Variants in ADAM2 observed in about 807,000 individuals in gnomAD.
The protein encoded by ADAM2 is disintegrin and metalloproteinase domain-containing protein 2.
ADAM2 carries 101 observed loss-of-function variants against 99.3 expected under a neutral mutation model. That is an observed-to-expected ratio of 1.02 (90% CI 0.87 to 1.20). The LOEUF (loss-of-function observed/expected upper bound fraction) is 1.20, where lower values mean the gene tolerates loss of function less well. ADAM2 is among the 50% of genes most tolerant of loss of function. The pLI, the probability that ADAM2 is intolerant of heterozygous loss-of-function variation, is 0.00. For missense variants in ADAM2, 948 were observed against 878.7 expected (o/e 1.08, Z -1.00); for synonymous variants, 323 against 287.6 (o/e 1.12, Z -1.25).
chr8:39,837,981 G>GA (rs2129589730), intron 1 of ADAM2, 150 bp downstream of exon 1: 1 of 800,914 alleles, frequency 1.2e-6, no homozygotes. Flanking sequence ...TTTGGGTGGG[G>GA]AAGGCGGCAA....
At chr8:39,755,677 G>T in intron 16 of ADAM2, 51 bp downstream of exon 16, 1 of 1,437,876 alleles carries the variant, frequency 7.0e-7, no homozygotes, top group Non-Finnish European at 9.6e-7. Flanking sequence ...TCTCAAAAAA[G>T]GGCAAAGTCT....
At chr8:39,744,364 A>T (rs1350803829) in intron 20 of ADAM2, among the ~76,000 whole-genome samples, 1 of 152,090 alleles carries the variant, frequency 6.6e-6, no homozygotes, top group Non-Finnish European at 1.5e-5. Flanking sequence ...TTTTTATTAT[A>T]TATAGCTATA....
intron 10 of ADAM2, 113 bp from the exon 11 acceptor site, chr8:39,777,274 A>C (rs1803031000): frequency 1.3e-6 from 1 of 743,640 alleles, no homozygotes; most frequent in Non-Finnish European, 2.2e-6. Context: ...CTGTTATCCC[A>C]AAAGTGCCAT....
Position 39,760,028 on chromosome 8 carries a change from G to A in ADAM2, c.1613+1148C>T, listed in dbSNP as rs1261287598. Among the ~76,000 whole-genome samples, 11 of 152,114 alleles carry A rather than the reference G, an allele frequency of 7.2e-5. 1 individual carries two copies. In the South Asian group the frequency reaches 2.1e-3, roughly 29 times the overall value. ...ATTACAGGCAACCGCCATCATGCCT[G>A]GCTAATTTTTGAATTTTTAGTAGAG... is the stretch of plus-strand genomic sequence containing the variant. On this transcript the variant is annotated intron_variant, in intron 15 of 20. Transcript: ENST00000265708.
At chr8:39,832,606 T>A (rs924989907) in intron 3 of ADAM2, among the ~76,000 whole-genome samples, 3 of 152,220 alleles carry the variant, frequency 2.0e-5, no homozygotes, top group Admixed American at 6.5e-5. Context: ...TTTATTGATA[T>A]TTTACAATAA....
At chr8:39,835,823 T>C (rs1231929764) in intron 2 of ADAM2, among the ~76,000 whole-genome samples, 1 of 152,092 alleles carries the variant, frequency 6.6e-6, no homozygotes, top group African/African-American at 2.4e-5. Flanking sequence ...GCCTAGTTTG[T>C]TTTAAAAATA....
intron 7 of ADAM2, among the ~76,000 whole-genome samples, chr8:39,805,622 G>A (rs959873655): frequency 6.6e-6 from 1 of 152,164 alleles, no homozygotes; most frequent in African/African-American, 2.4e-5. Context: ...TGGCATTTTA[G>A]CTGAGCTGTT....
intron 10 of ADAM2, among the ~76,000 whole-genome samples, chr8:39,779,595 A>G (rs1228633913): frequency 2.0e-5 from 3 of 152,180 alleles, no homozygotes; most frequent in East Asian, 1.9e-4. Context: ...AAGCACAACT[A>G]TATTTAACAC....
At chr8:39,785,566 C>T (rs1037168228) in intron 10 of ADAM2, among the ~76,000 whole-genome samples, 9 of 152,058 alleles carry the variant, frequency 5.9e-5, no homozygotes, top group South Asian at 2.1e-4. Context: ...GAGACCAAGG[C>T]GGGGGGATCA....
At chr8:39,811,034 C>T (rs1804671330) in intron 6 of ADAM2, among the ~76,000 whole-genome samples, 1 of 151,516 alleles carries the variant, frequency 6.6e-6, no homozygotes, top group African/African-American at 2.4e-5. Flanking sequence ...AATTGATAGA[C>T]CACTAGCAAG....
chr8:39,786,050 T>C (rs1422341776), intron 10 of ADAM2, among the ~76,000 whole-genome samples: 1 of 152,124 alleles, frequency 6.6e-6, no homozygotes, highest in East Asian at 1.9e-4. Flanking sequence ...GTGAATTAAC[T>C]CAGGAACAGA....
intron 16 of ADAM2, among the ~76,000 whole-genome samples, chr8:39,751,149 T>A (rs1378165531): frequency 2.0e-5 from 3 of 152,156 alleles, no homozygotes; most frequent in African/African-American, 7.2e-5. Context: ...TATGGGGAAA[T>A]GGACTAATGA....
intron 6 of ADAM2, among the ~76,000 whole-genome samples, chr8:39,818,336 A>T (rs1009001118): frequency 6.6e-6 from 1 of 152,088 alleles, no homozygotes; most frequent in Admixed American, 6.5e-5. Flanking sequence ...TTATCTCAAC[A>T]TACGTTGCAG....
chr8:39,745,991 GTGTGTGTGTGTGCA>G (rs1435082167), intron 19 of ADAM2, among the ~76,000 whole-genome samples: 3 of 143,814 alleles, frequency 2.1e-5, no homozygotes, highest in African/African-American at 5.2e-5. Flanking sequence ...ATGTGTATGT[GTGTGTGTGTGTGCA>G]TGTGTGTGTG....
intron 7 of ADAM2, among the ~76,000 whole-genome samples, chr8:39,808,087 C>T (rs1327233984): frequency 6.6e-6 from 1 of 151,448 alleles, no homozygotes. Flanking sequence ...CTAGCAAAGA[C>T]AATATTGCAA....
chr8:39,760,882 C>CAAAAAAAAAAAAAA (rs58386097), intron 15 of ADAM2, among the ~76,000 whole-genome samples: 6 of 60,182 alleles, frequency 1.0e-4, no homozygotes, highest in African/African-American at 2.7e-4. Flanking sequence ...GACTCCATCT[C>CAAAAAAAAAAAAAA]AAAAAAAAAA....
intron 8 of ADAM2, 85 bp downstream of exon 8, chr8:39,788,584 G>A: frequency 1.1e-6 from 1 of 900,354 alleles, no homozygotes; most frequent in Non-Finnish European, 1.7e-6. Context: ...CACACAACGT[G>A]TGGATTCATG....
rs560263521 is a variant in ADAM2, at chr8:39,834,297, G to A, written c.133-298C>T. Among the ~76,000 whole-genome samples the A allele has an allele frequency of 5.0e-3, 754 of 152,130 alleles. 5 individuals carry two copies. Among genetic ancestry groups the A allele is most frequent in the Non-Finnish European group, 5.9e-3 (399 of 67,998 alleles). On this transcript the variant is annotated intron_variant, in intron 2 of 20. Transcript: ENST00000265708. ...TGTTTGATCTAAGAGATTTATGGTG[G>A]AGTCTGGGGTTTTCTATATATGGGA... is the stretch of plus-strand genomic sequence containing the variant.
chr8:39,804,318 C>G (rs1459420107), intron 7 of ADAM2, among the ~76,000 whole-genome samples: 2 of 152,082 alleles, frequency 1.3e-5, no homozygotes, highest in East Asian at 1.9e-4. Context: ...AAGGGAGTTG[C>G]AGGTGTTCGT....
Sources: allele counts gnomAD v4.1 joint callset (sites outside exome capture counted in the v4.1 genomes callset), GRCh38; gene constraint gnomAD v4.1.1; transcripts MANE v1.5; gene names NCBI Gene and HGNC (gene_info 2026-07-23, HGNC 2026-07-21).